ELP3: variants seen among roughly 807,000 people sequenced by gnomAD.
The protein encoded by ELP3 is elongator complex protein 3.
Under a neutral mutation model 74.9 loss-of-function variants are expected in ELP3, and 56 were observed. That is an observed-to-expected ratio of 0.75 (90% CI 0.60 to 0.93). The LOEUF is 0.93. ELP3 is among the 40% of genes least tolerant of loss of function. The pLI, the probability that ELP3 is intolerant of heterozygous loss-of-function variation, is 0.00. For synonymous variants in ELP3, 222 were observed against 239.8 expected (o/e 0.93, Z 0.68); for missense variants, 573 against 686.5 (o/e 0.83, Z 1.85).
chr8:28,125,286 A>AT (rs1330772394), intron 7 of ELP3, among the ~76,000 whole-genome samples: 1 of 152,200 alleles, frequency 6.6e-6, no homozygotes, highest in Admixed American at 6.5e-5. Context: ...TCTCTGTACC[A>AT]TTTTTTACTG....
intron 14 of ELP3, among the ~76,000 whole-genome samples, chr8:28,179,476 C>G (rs924612503): frequency 2.6e-5 from 4 of 152,122 alleles, no homozygotes; most frequent in African/African-American, 9.7e-5. Context: ...GCACCAGGGA[C>G]TGGTTTTGTG....
In ELP3 at chr8:28,189,845, G is replaced by T; in HGVS notation, c.*120G>T. ...AAATGGGGGGCTTCACCCTCATCCC[G>T]CAGCTGCAGAGACTGGAAACTGCCT... On this transcript the variant is annotated 3_prime_UTR_variant, in exon 15 of 15. Transcript: ENST00000256398. The T allele has an allele frequency of 9.2e-7, 1 of 1,084,098 alleles. No homozygotes were observed. Among genetic ancestry groups the T allele is most frequent in the Admixed American group, 2.1e-5 (1 of 47,034 alleles). The allele number at this position is 1,084,098 out of a possible 1,614,324, so 67.2% of individuals were successfully genotyped here.
At chr8:28,174,786 G>T (rs1426223583) in intron 14 of ELP3, among the ~76,000 whole-genome samples, 1 of 151,960 alleles carries the variant, frequency 6.6e-6, no homozygotes. Context: ...TTTCAATTCA[G>T]GTTGAATGAC....
Position 28,093,155 on chromosome 8 carries a change from C to T in ELP3, c.-60C>T, listed in dbSNP as rs1811108459. ...TTGTTTTGTGGCTGTCAGCTTTCCC[C>T]GTGGTCTGAGTTTGTGGCTGCATTT... On this transcript the variant is annotated 5_prime_UTR_variant, in exon 1 of 15. Coordinates refer to ENST00000256398, the MANE Select transcript of ELP3 (RefSeq NM_018091.6). The T allele has an allele frequency of 1.0e-5, 16 of 1,600,858 alleles. No homozygotes were observed. The highest frequency in any genetic ancestry group is 1.4e-5 in the Non-Finnish European group (16 of 1,175,440).
At chr8:28,161,947 A>G (rs551631442) in intron 13 of ELP3, 50 bp from the exon 14 acceptor site, 2 of 1,590,508 alleles carry the variant, frequency 1.3e-6, no homozygotes, top group African/African-American at 2.7e-5. Context: ...ACCCCTCTTA[A>G]TGAACTTCCT....
intron 14 of ELP3, among the ~76,000 whole-genome samples, chr8:28,179,416 A>G (rs1814905766): frequency 6.6e-6 from 1 of 152,108 alleles, no homozygotes. Context: ...GTTGTATACA[A>G]ATGTCTTTAC....
Position 28,189,923 on chromosome 8 carries a change from G to T in ELP3, c.*198G>T. 2.0e-6 allele frequency: 1 copy of T among 512,734 alleles called. No homozygotes were observed. Among genetic ancestry groups the T allele is most frequent in the Non-Finnish European group, 3.4e-6 (1 of 290,852 alleles). The allele number at this position is 512,734 out of a possible 1,614,324, so 31.8% of individuals were successfully genotyped here. On this transcript the variant is annotated 3_prime_UTR_variant, in exon 15 of 15. Coordinates refer to ENST00000256398, the MANE Select transcript of ELP3 (RefSeq NM_018091.6). ...CCACACCCCAGATCCGCCCTCTCCT[G>T]CGTGCACCCCAAAAAATCACTTGCG...
At chr8:28,140,329 T>C (rs1490652038) in intron 10 of ELP3, among the ~76,000 whole-genome samples, 1 of 152,142 alleles carries the variant, frequency 6.6e-6, no homozygotes, top group African/African-American at 2.4e-5. Flanking sequence ...CTGGGACAAT[T>C]TGAGCATCAA....
chr8:28,091,458 G>T (rs1350113018), upstream of ELP3, among the ~76,000 whole-genome samples: 3 of 152,200 alleles, frequency 2.0e-5, no homozygotes, highest in African/African-American at 7.2e-5. Context: ...TGACAATGAG[G>T]TCAGACAAAT....
chr8:28,100,107 AG>A, intron 3 of ELP3, 141 bp downstream of exon 3: 2 of 1,018,452 alleles, frequency 2.0e-6, no homozygotes, highest in East Asian at 2.5e-5. Context: ...TATGTGCTGG[AG>A]TGGAGACCTG....
In ELP3 at chr8:28,113,018, G is replaced by C; in HGVS notation, c.463-1G>C. The C allele has an allele frequency of 6.2e-7, 1 of 1,612,118 alleles. No individual in the cohort carries two copies. The highest frequency in any genetic ancestry group is 8.5e-7 in the Non-Finnish European group (1 of 1,179,228). ...CTAATGCTGATGAATTTGTCTTTCA[G>C]TTAAAACAACTTGGTCATAGTGTGG... On this transcript the variant is annotated splice_acceptor_variant, in intron 6 of 14. Coordinates refer to ENST00000256398, the MANE Select transcript of ELP3 (RefSeq NM_018091.6). LOFTEE classifies it high-confidence loss of function.
chr8:28,178,763 C>G (rs962181989), intron 14 of ELP3, among the ~76,000 whole-genome samples: 12 of 152,210 alleles, frequency 7.9e-5, no homozygotes, highest in African/African-American at 2.7e-4. Flanking sequence ...TTCACTACTA[C>G]AGGAAATGTA....
At chr8:28,099,318 C>T (rs1217678422) in intron 2 of ELP3, among the ~76,000 whole-genome samples, 1 of 151,938 alleles carries the variant, frequency 6.6e-6, no homozygotes, top group Non-Finnish European at 1.5e-5. Flanking sequence ...CAGTAGTTGT[C>T]AACCAGGGGT....
chr8:28,100,745 A>G (rs931902765), intron 3 of ELP3, among the ~76,000 whole-genome samples: 204 of 152,364 alleles, frequency 1.3e-3, no homozygotes, highest in African/African-American at 4.6e-3. Context: ...TTTGGAGACA[A>G]AAAGACTAGC....
In ELP3 at chr8:28,128,124, C is replaced by T. The variant is rs191761023; in HGVS notation, c.618-1378C>T. 3.3e-5 allele frequency among the ~76,000 whole-genome samples: 5 copies of T among 152,170 alleles called. No homozygotes were observed. In the East Asian group the frequency reaches 7.7e-4, roughly 24 times the overall value. On this transcript the variant is annotated intron_variant, in intron 7 of 14. Transcript: ENST00000256398. Reference sequence around the variant, plus strand: ...TTAAAGGCTTCTCTCATCCTCCCCCCAAAATTGAGAACATTGTAGAAGGGT... The same window carrying T: ...TTAAAGGCTTCTCTCATCCTCCCCCTAAAATTGAGAACATTGTAGAAGGGT...
intron 10 of ELP3, among the ~76,000 whole-genome samples, chr8:28,143,285 A>G (rs1208584759): frequency 2.0e-5 from 3 of 152,042 alleles, no homozygotes; most frequent in South Asian, 2.1e-4. Context: ...ATGTGATTTT[A>G]TACTCCCCCC....
intron 10 of ELP3, among the ~76,000 whole-genome samples, chr8:28,143,105 T>C (rs947317790): frequency 2.0e-5 from 3 of 152,246 alleles, no homozygotes; most frequent in African/African-American, 7.2e-5. Flanking sequence ...TTATTTTATA[T>C]TGGAACTTGC....
intron 14 of ELP3, among the ~76,000 whole-genome samples, chr8:28,177,355 A>G (rs1377088622): frequency 6.6e-6 from 1 of 152,256 alleles, no homozygotes; most frequent in African/African-American, 2.4e-5. Flanking sequence ...GTTGAAGAGT[A>G]AAATATCGCC....
At chr8:28,188,292 C>T (rs184165323) in intron 14 of ELP3, among the ~76,000 whole-genome samples, 75 of 151,674 alleles carry the variant, frequency 4.9e-4, no homozygotes, top group African/African-American at 1.7e-3. Context: ...ATAATTTGGT[C>T]TCTGTTCCTG....
Sources: allele counts gnomAD v4.1 joint callset (sites outside exome capture counted in the v4.1 genomes callset), GRCh38; gene constraint gnomAD v4.1.1; transcripts MANE v1.5; gene names NCBI Gene and HGNC (gene_info 2026-07-23, HGNC 2026-07-21).